Variants in RIPK4 observed in about 807,000 individuals in gnomAD.
RIPK4 encodes receptor interacting serine/threonine kinase 4, also known as receptor-interacting serine/threonine-protein kinase 4.
In RIPK4, 17 loss-of-function variants were observed where a neutral mutation model predicts 42.9. The ratio of observed to expected loss-of-function variants is 0.40; its 90% CI spans 0.27 to 0.59. The LOEUF is 0.59. Ranked by LOEUF, RIPK4 falls within the 20% of genes least tolerant of loss-of-function variation. RIPK4 has a pLI of 0.47. For synonymous variants in RIPK4, 498 were observed against 499.1 expected (o/e 1.00, Z 0.03); for missense variants, 897 against 1,104.4 (o/e 0.81, Z 2.66).
At position 41,742,620 on chromosome 21, in the gene RIPK4, C is replaced by T. The variant is rs1288237157; in HGVS notation, c.1196-623G>A. ...TACCACAAAAATCCTACCGTAGTGC[C>T]TGGAATGCTGAAACCCTGCAACGAG... is the stretch of plus-strand genomic sequence containing the variant. On this transcript the variant is annotated intron_variant, in intron 7 of 7. Transcript: ENST00000332512. This position sits in a 1 kb window ranked among gnomAD's most constrained non-coding sequence, Gnocchi z 5.1. Among the ~76,000 whole-genome samples the T allele has an allele frequency of 6.6e-6, 1 of 152,184 alleles. No homozygotes were observed. The highest frequency in any genetic ancestry group is 1.5e-5 in the Non-Finnish European group (1 of 68,040).
chr21:41,749,309 A>G, intron 3 of RIPK4, 106 bp from the exon 4 acceptor site: 1 of 1,078,294 alleles, frequency 9.3e-7, no homozygotes, highest in Non-Finnish European at 1.4e-6. Context: ...AAGCCTTCCA[A>G]AGACAGAGCC....
rs1012892553 is a variant in RIPK4 at position 41,751,648 on chromosome 21, G to A, written c.475-403C>T. On this transcript the variant is annotated intron_variant, in intron 2 of 7. Transcript: ENST00000332512. The surrounding 1 kb of genome is among the most constrained non-coding windows in gnomAD (Gnocchi z 4.5). ...TCAGGTAAAGAGAGACACATGTGAA[G>A]ACCAGGTCTGCTCCTAGAGAAGTCG... Among the ~76,000 whole-genome samples the A allele has an allele frequency of 2.6e-5, 4 of 152,242 alleles. No homozygotes were observed. The highest frequency in any genetic ancestry group is 7.2e-5 in the African/African-American group (3 of 41,464).
At chr21:41,761,538 G>A (rs1409649876) in intron 1 of RIPK4, among the ~76,000 whole-genome samples, 2 of 152,106 alleles carry the variant, frequency 1.3e-5, no homozygotes, top group Non-Finnish European at 2.9e-5. Flanking sequence ...AAGTCCTTCC[G>A]TAGGACTCAG....
At chr21:41,743,349 T>C (rs1050532252) in intron 7 of RIPK4, among the ~76,000 whole-genome samples, 13 of 152,238 alleles carry the variant, frequency 8.5e-5, no homozygotes, top group African/African-American at 3.1e-4. Flanking sequence ...AAAGATGAGA[T>C]TAGCTAAAAG....
In RIPK4 at chr21:41,741,116, T is replaced by C; in HGVS notation, c.2077A>G (p.Lys693Glu). The change falls in exon 8 of 8, where the codon AAG becomes GAG. Residue 693 changes from lysine to glutamate, a missense_variant. Transcript: ENST00000332512. ...LATVKLLVEE[K>E]ADVLARGPLN... is the part of the protein sequence containing the mutation. The stretch of plus-strand genomic sequence containing the variant: ...GGTCCCCGGGCCAGCACATCGGCCT[T>C]CTCCTCGACAAGCAGCTTGACAGTG... The C allele has an allele frequency of 6.2e-7, 1 of 1,612,502 alleles. No individual in the cohort carries two copies.
chr21:41,754,073 C>G (rs936895948), intron 2 of RIPK4, among the ~76,000 whole-genome samples: 1 of 152,136 alleles, frequency 6.6e-6, no homozygotes, highest in Non-Finnish European at 1.5e-5. Flanking sequence ...ACTGAGGGAG[C>G]CCATCTCAGA....
intron 3 of RIPK4, among the ~76,000 whole-genome samples, chr21:41,750,065 T>G (rs1317696853): frequency 1.3e-5 from 2 of 152,044 alleles, no homozygotes; most frequent in African/African-American, 4.8e-5. Context: ...AGGATCTCAA[T>G]CTCCCCAAAC....
chr21:41,758,041 T>TAGAGAGAGAGAG (rs71188681), intron 1 of RIPK4, among the ~76,000 whole-genome samples: 20 of 58,480 alleles, frequency 3.4e-4, no homozygotes, highest in African/African-American at 1.7e-3. Context: ...TATATATATA[T>TAGAGAGAGAGAG]AGAGAGAGAG....
intron 3 of RIPK4, 136 bp downstream of exon 3, chr21:41,750,959 TGA>T (rs2061186624): frequency 9.3e-7 from 1 of 1,069,866 alleles, no homozygotes; most frequent in Non-Finnish European, 1.3e-6. Flanking sequence ...ATTACAGGCG[TGA>T]GTCACCGCGC....
chr21:41,745,673 C>T (rs983018234), intron 6 of RIPK4, 86 bp downstream of exon 6: 38 of 975,176 alleles, frequency 3.9e-5, no homozygotes, highest in East Asian at 2.9e-4. Context: ...GTCCGGGCGG[C>T]GGGGGACTCT....
intron 6 of RIPK4, 88 bp from the exon 7 acceptor site, chr21:41,744,228 G>A (rs1601675379): frequency 2.7e-5 from 36 of 1,322,916 alleles, no homozygotes; most frequent in Non-Finnish European, 3.5e-5. Context: ...GAGCAAGGTG[G>A]GCCACGGGAG....
intron 6 of RIPK4, among the ~76,000 whole-genome samples, chr21:41,745,240 C>T (rs1212820368): frequency 6.6e-6 from 1 of 152,222 alleles, no homozygotes; most frequent in Admixed American, 6.5e-5. Flanking sequence ...CCAGATAACA[C>T]GTTATAAAGC....
chr21:41,746,704 C>T lies in RIPK4; in HGVS notation c.741G>A (p.Val247=), dbSNP rs1412371505. Residue 247 remains valine (V), a synonymous_variant, in exon 5 of 8, where the codon GTG becomes GTA. Coordinates refer to ENST00000332512, the MANE Select transcript of RIPK4 (RefSeq NM_020639.3). The part of the protein sequence containing the change: ...VKGHRPELPP[V]CRARPRACSH... ...TGCAGGCGCGCGGCCGGGCTCTGCA[C>T]ACGGGCGGCAGCTCGGGGCGGTGGC... 4 of 1,610,120 alleles carry T rather than the reference C, an allele frequency of 2.5e-6. No homozygotes were observed. Among genetic ancestry groups the T allele is most frequent in the African/African-American group, 2.7e-5 (2 of 74,924 alleles).
chr21:41,760,281 G>C (rs763519413), intron 1 of RIPK4, among the ~76,000 whole-genome samples: 24 of 152,234 alleles, frequency 1.6e-4, no homozygotes, highest in Non-Finnish European at 3.1e-4. Flanking sequence ...GTGCTCGCTT[G>C]AATCCACCAT....
At chr21:41,766,776 A>T in intron 1 of RIPK4, 84 bp downstream of exon 1, 2 of 1,399,474 alleles carry the variant, frequency 1.4e-6, no homozygotes, top group Non-Finnish European at 1.9e-6. Flanking sequence ...CGGGAGAGAG[A>T]GGCAGGACCC....
At chr21:41,759,518 C>A (rs957810590) in intron 1 of RIPK4, among the ~76,000 whole-genome samples, 5 of 152,222 alleles carry the variant, frequency 3.3e-5, no homozygotes, top group African/African-American at 1.2e-4. Flanking sequence ...CGCAAGGCAG[C>A]TGGCTGGGGT....
In RIPK4 at chr21:41,751,896, T is replaced by G. The variant is rs1024196211; in HGVS notation, c.475-651A>C. Among the ~76,000 whole-genome samples the G allele has an allele frequency of 2.6e-5, 4 of 152,206 alleles. No homozygotes were observed. The highest frequency in any genetic ancestry group is 4.8e-5 in the African/African-American group (2 of 41,456). Reference sequence around the variant, plus strand: ...CGAGTGAAGGTCTGATAAACACCTCTGCTGGCAGCGCCCGGGCCCCAAGGA... The same window carrying G: ...CGAGTGAAGGTCTGATAAACACCTCGGCTGGCAGCGCCCGGGCCCCAAGGA... On this transcript the variant is annotated intron_variant, in intron 2 of 7. Transcript: ENST00000332512. The surrounding 1 kb of genome is among the most constrained non-coding windows in gnomAD (Gnocchi z 4.5).
chr21:41,761,593 G>A (rs901837541), intron 1 of RIPK4, among the ~76,000 whole-genome samples: 3 of 152,124 alleles, frequency 2.0e-5, no homozygotes, highest in Non-Finnish European at 4.4e-5. Context: ...CCTCCTCGCC[G>A]GAGGGTTTTG....
intron 2 of RIPK4, among the ~76,000 whole-genome samples, chr21:41,752,747 T>G (rs1346251211): frequency 1.3e-5 from 2 of 152,146 alleles, no homozygotes; most frequent in Non-Finnish European, 2.9e-5. Context: ...CTTGAAAGCC[T>G]TCAAATTCAG....
Sources: gnomAD v4.1 joint callset for allele counts (sites outside exome capture counted in the v4.1 genomes callset) on GRCh38, gnomAD v4.1.1 for gene constraint, Gnocchi (gnomAD v3.1) non-coding constraint, MANE v1.5 for transcripts, NCBI Gene and HGNC (gene_info 2026-07-23, HGNC 2026-07-21) for gene names.